Variants in PPP3CA observed in about 807,000 individuals in gnomAD.
The protein encoded by PPP3CA is protein phosphatase 3 catalytic subunit alpha.
In PPP3CA, 14 loss-of-function variants were observed where a neutral mutation model predicts 66.5. The ratio of observed to expected loss-of-function variants is 0.21; its 90% CI spans 0.14 to 0.33. The LOEUF (loss-of-function observed/expected upper bound fraction) is 0.33, where lower values mean the gene tolerates loss of function less well. PPP3CA is among the 10% of genes least tolerant of loss of function. The pLI is 1.00. For synonymous variants in PPP3CA, 232 were observed against 226.2 expected, an observed-to-expected ratio of 1.03 and a Z score of -0.23; for missense variants, 317 against 639.5, an observed-to-expected ratio of 0.50 and a Z score of 5.44.
At chr4:101,178,779 T>TAA (rs2110173082) in intron 2 of PPP3CA, among the ~76,000 whole-genome samples, 1 of 152,210 alleles carries the variant, frequency 6.6e-6, no homozygotes, top group South Asian at 2.1e-4. Flanking sequence ...AAATCTAACA[T>TAA]AAAACCCTCA....
chr4:101,060,681 A>T (rs1728424261), intron 10 of PPP3CA, among the ~76,000 whole-genome samples: 1 of 152,158 alleles, frequency 6.6e-6, no homozygotes, highest in Admixed American at 6.6e-5. Context: ...CATCATAAAC[A>T]TCAAAACTTG....
intron 1 of PPP3CA, among the ~76,000 whole-genome samples, chr4:101,217,301 TTCACTC>T (rs1391827550): frequency 6.6e-6 from 1 of 152,154 alleles, no homozygotes; most frequent in African/African-American, 2.4e-5. Flanking sequence ...CCTGTTCAGG[TTCACTC>T]TACTATTAAG....
At chr4:101,184,316 A>T (rs768640887) in intron 2 of PPP3CA, among the ~76,000 whole-genome samples, 2 of 152,194 alleles carry the variant, frequency 1.3e-5, no homozygotes, top group African/African-American at 2.4e-5. Flanking sequence ...GCCCAGAATC[A>T]GTTCCCTGCA....
intron 1 of PPP3CA, among the ~76,000 whole-genome samples, chr4:101,243,719 C>G (rs1007507588): frequency 1.3e-5 from 2 of 152,006 alleles, no homozygotes; most frequent in Non-Finnish European, 2.9e-5. Context: ...AGAACCAATC[C>G]CACATGGTTG....
At chr4:101,114,584 A>G (rs1721783932) in intron 2 of PPP3CA, among the ~76,000 whole-genome samples, 1 of 152,102 alleles carries the variant, frequency 6.6e-6, no homozygotes, top group Non-Finnish European at 1.5e-5. Flanking sequence ...ATATCCTGTG[A>G]TGTTTATACA....
chr4:101,296,867 T>C (rs1177122773), intron 1 of PPP3CA, among the ~76,000 whole-genome samples: 1 of 152,206 alleles, frequency 6.6e-6, no homozygotes, highest in African/African-American at 2.4e-5. Context: ...AAAACACTGC[T>C]AACTTATTTA....
intron 12 of PPP3CA, among the ~76,000 whole-genome samples, chr4:101,029,859 G>A (rs371760129): frequency 3.3e-5 from 5 of 150,846 alleles, no homozygotes; most frequent in South Asian, 2.1e-4. Flanking sequence ...AAAAGGAAAC[G>A]AATGATATAA....
intron 1 of PPP3CA, among the ~76,000 whole-genome samples, chr4:101,215,291 A>G (rs1298490972): frequency 6.6e-6 from 1 of 152,114 alleles, no homozygotes; most frequent in African/African-American, 2.4e-5. Flanking sequence ...AATTAAAACA[A>G]AAACTATTCA....
At chr4:101,153,228 TG>T (rs1428138053) in intron 2 of PPP3CA, among the ~76,000 whole-genome samples, 3 of 152,154 alleles carry the variant, frequency 2.0e-5, no homozygotes, top group African/African-American at 7.2e-5. Flanking sequence ...GCAGAAACTC[TG>T]TGTGTGGGTC....
intron 1 of PPP3CA, among the ~76,000 whole-genome samples, chr4:101,332,302 G>A (rs1729413531): frequency 6.6e-6 from 1 of 152,200 alleles, no homozygotes; most frequent in Non-Finnish European, 1.5e-5. Context: ...GTAAGGACAT[G>A]AGACTGCCTA....
chr4:101,096,283 C>A (rs909791840), intron 5 of PPP3CA, among the ~76,000 whole-genome samples: 3 of 152,072 alleles, frequency 2.0e-5, no homozygotes, highest in African/African-American at 7.2e-5. Flanking sequence ...ATATTGAGTT[C>A]ATGGTAGTAG....
intron 2 of PPP3CA, among the ~76,000 whole-genome samples, chr4:101,118,587 T>A (rs907004510): frequency 1.3e-5 from 2 of 152,086 alleles, no homozygotes; most frequent in South Asian, 2.1e-4. Flanking sequence ...GTATTCCTCC[T>A]GTTTGACCTT....
At chr4:101,124,682 AAAG>A (rs1722145494) in intron 2 of PPP3CA, among the ~76,000 whole-genome samples, 1 of 84,386 alleles carries the variant, frequency 1.2e-5, no homozygotes, top group African/African-American at 5.7e-5. Context: ...AGAAAGAAAG[AAAG>A]AAAGAAAGAA....
chr4:101,301,494 A>AT (rs1728375254), intron 1 of PPP3CA, among the ~76,000 whole-genome samples: 5 of 144,502 alleles, frequency 3.5e-5, no homozygotes, highest in East Asian at 2.0e-4. Context: ...ATATATATGT[A>AT]ATTTTTTTTT....
At position 101,278,143 on chromosome 4, in the gene PPP3CA, A is replaced by AT. The variant is rs57381373; in HGVS notation, c.58+68595_58+68596insA. On this transcript the variant is annotated intron_variant, in intron 1 of 13. Coordinates refer to ENST00000394854, the MANE Select transcript of PPP3CA (RefSeq NM_000944.5). ...TTAGTAAAAAAAAAAAAAAAAATAAAAAAATTAAAAAGTTATTTTAACTAC... is the reference window on the plus strand; with the variant it reads ...TTAGTAAAAAAAAAAAAAAAAATAAATAAAATTAAAAAGTTATTTTAACTAC... Among the ~76,000 whole-genome samples the AT allele has an allele frequency of 2.4e-3, 345 of 144,264 alleles. 2 individuals carry two copies. The highest frequency in any genetic ancestry group is 7.9e-3 in the African/African-American group (312 of 39,730). 94.6% of individuals were successfully genotyped at this position (144,264 alleles called of 152,430 possible). A position where few individuals can be genotyped will look rare whatever the true frequency, so the allele number is the denominator to read the frequency against.
At chr4:101,254,752 C>T (rs1381044379) in intron 1 of PPP3CA, among the ~76,000 whole-genome samples, 1 of 151,702 alleles carries the variant, frequency 6.6e-6, no homozygotes, top group Non-Finnish European at 1.5e-5. Context: ...AATGTTAAAT[C>T]TTGTGTCTTG....
At chr4:101,283,347 G>C (rs572058587) in intron 1 of PPP3CA, among the ~76,000 whole-genome samples, 5 of 152,138 alleles carry the variant, frequency 3.3e-5, no homozygotes, top group Non-Finnish European at 7.3e-5. Context: ...GCATTGTCTA[G>C]CATGGCTCAT....
rs139741495 is a variant in PPP3CA at position 101,277,758 on chromosome 4, T to C, written c.58+68981A>G. ...AAGTCAACAATATTTATTAAGTACCTACTATGGGCAAATCACAGACCCTGC... is the reference window on the plus strand; with the variant it reads ...AAGTCAACAATATTTATTAAGTACCCACTATGGGCAAATCACAGACCCTGC... On this transcript the variant is annotated intron_variant, in intron 1 of 13. Transcript: ENST00000394854. Among the ~76,000 whole-genome samples, 13 of 152,300 alleles carry C rather than the reference T, an allele frequency of 8.5e-5. No homozygotes were observed. In the East Asian group the frequency reaches 2.5e-3, roughly 29 times the overall value.
At chr4:101,285,916 C>G (rs1158964291) in intron 1 of PPP3CA, among the ~76,000 whole-genome samples, 1 of 152,144 alleles carries the variant, frequency 6.6e-6, no homozygotes, top group Non-Finnish European at 1.5e-5. Flanking sequence ...ACAGCATAAA[C>G]TCCTACACCT....
Sources: gnomAD v4.1 joint callset for allele counts (sites outside exome capture counted in the v4.1 genomes callset) on GRCh38, gnomAD v4.1.1 for gene constraint, MANE v1.5 for transcripts, NCBI Gene and HGNC (gene_info 2026-07-23, HGNC 2026-07-21) for gene names.